MOV10L1: variants seen among roughly 807,000 people sequenced by gnomAD.
MOV10L1 encodes the protein Mov10 like RNA helicase 1, also known as RNA helicase Mov10l1.
MOV10L1 carries 110 observed loss-of-function variants against 143.8 expected under a neutral mutation model. The ratio of observed to expected loss-of-function variants is 0.76; its 90% CI spans 0.66 to 0.90. The LOEUF is 0.90. MOV10L1 is among the 40% of genes least tolerant of loss of function. The probability of loss-of-function intolerance (pLI) is 0.00; values close to 1 mark genes in which losing one functional copy is unlikely to be tolerated. For synonymous variants in MOV10L1, 593 were observed against 581.1 expected (o/e 1.02, Z -0.29); for missense variants, 1,406 against 1,526.8 (o/e 0.92, Z 1.32).
chr22:50,113,399 C>T (rs1043796717), intron 5 of MOV10L1, among the ~76,000 whole-genome samples: 1 of 152,204 alleles, frequency 6.6e-6, no homozygotes, highest in African/African-American at 2.4e-5. Flanking sequence ...ACGTTCAGGA[C>T]ACCGTTCTCA....
chr22:50,103,708 C>G lies in MOV10L1; in HGVS notation c.442+4106C>G, dbSNP rs183942657. Among the ~76,000 whole-genome samples the G allele has an allele frequency of 1.1e-3, 169 of 152,226 alleles. 2 individuals are homozygous for G. Among genetic ancestry groups the G allele is most frequent in the Admixed American group, 9.0e-3 (138 of 15,288 alleles). On this transcript the variant is annotated intron_variant, in intron 3 of 26. Coordinates refer to ENST00000262794, the MANE Select transcript of MOV10L1 (RefSeq NM_018995.3). ...TGGTGAGATCAAGGTTTCACAGGTT[C>G]TTATTGTAGTCCGTGTGGCCGCAGC... is the stretch of plus-strand genomic sequence containing the variant.
intron 6 of MOV10L1, 38 bp downstream of exon 6, chr22:50,113,826 T>C (rs1402679168): frequency 1.3e-6 from 2 of 1,527,662 alleles, no homozygotes; most frequent in Non-Finnish European, 1.8e-6. Flanking sequence ...TAAAGCTACA[T>C]TAATGGCTTT....
rs886937777 is a variant in MOV10L1 at position 50,134,726 on chromosome 22, A to G, written c.2070+96A>G. ...GTGGCTCAGCGGCGTGACTGTCTCT[A>G]CACAGGGGATGGCTCAGCGATGTAA... On this transcript the variant is annotated intron_variant, in intron 15 of 26. Coordinates refer to ENST00000262794, the MANE Select transcript of MOV10L1 (RefSeq NM_018995.3). 5 of 1,046,556 alleles carry G rather than the reference A, an allele frequency of 4.8e-6. No individual in the cohort carries two copies. In the African/African-American group the frequency reaches 7.8e-5, roughly 16 times the overall value. The allele number at this position is 1,046,556 out of a possible 1,614,324, so 64.8% of individuals were successfully genotyped here.
At chr22:50,095,335 T>A (rs1457666971) in intron 2 of MOV10L1, 1 of 152,246 alleles carries the variant, frequency 6.6e-6, no homozygotes, top group Admixed American at 6.5e-5. Context: ...TTTATGGACT[T>A]CCATCATCAG....
rs915047666 is a variant in MOV10L1, at chr22:50,108,136, G to T, written c.443G>T (p.Gly148Val). The T allele has an allele frequency of 6.2e-7, 1 of 1,613,396 alleles. No individual in the cohort carries two copies. The highest frequency in any genetic ancestry group is 1.3e-5 in the African/African-American group (1 of 75,008). ...ATGGCTTTTTTCCTGGCGGTTTTAGGCTTCGAGCCCTGCAAGGGAGACTGG... is the reference window on the plus strand; with the variant it reads ...ATGGCTTTTTTCCTGGCGGTTTTAGTCTTCGAGCCCTGCAAGGGAGACTGG... ...TYFSLESVCE[G>V]FEPCKGDWVE... Residue 148 changes from glycine to valine, a missense_variant and splice_region_variant, in exon 4 of 27, where the codon GGC (glycine) becomes GTC (valine). Gly to Val is a moderately radical substitution (Grantham distance 109, BLOSUM62 -3). Around this residue, in one of 3 missense-constraint regions of MOV10L1, gnomAD observed 1,233 missense variants for 1,351.4 expected, o/e 0.91. Coordinates refer to ENST00000262794, the MANE Select transcript of MOV10L1 (RefSeq NM_018995.3).
chr22:50,097,128 T>C (rs1374726163), intron 2 of MOV10L1, among the ~76,000 whole-genome samples: 1 of 152,194 alleles, frequency 6.6e-6, no homozygotes, highest in Non-Finnish European at 1.5e-5. Flanking sequence ...AAAAAAATTT[T>C]TTGAGACAGG....
At chr22:50,143,994 A>G in intron 17 of MOV10L1, 103 bp from the exon 18 acceptor site, 1 of 1,443,708 alleles carries the variant, frequency 6.9e-7, no homozygotes, top group African/African-American at 1.4e-5. Context: ...GAGCCCATGC[A>G]GCTGAGTCCC....
intron 5 of MOV10L1, among the ~76,000 whole-genome samples, chr22:50,111,486 CTTTTTTTTT>C (rs529438045): frequency 3.4e-5 from 2 of 59,148 alleles, no homozygotes; most frequent in Admixed American, 2.0e-4. Context: ...TCTGTCTTTG[CTTTTTTTTT>C]TTTTTTTTTT....
In MOV10L1 at chr22:50,128,348, G is replaced by C. The variant is rs2062571650; in HGVS notation, c.1819-68G>C. 2.2e-5 allele frequency: 20 copies of C among 889,268 alleles called. No individual in the cohort carries two copies. The South Asian group carries it at 2.9e-4, about 13-fold the overall frequency. 55.1% of individuals were successfully genotyped at this position (889,268 alleles called of 1,614,324 possible). On this transcript the variant is annotated intron_variant, in intron 12 of 26. Transcript: ENST00000262794. ...CAGAGCTATAGAATGAATTTTTGATGATGTGTCGCTAGATAAAGATATCAC... is the reference window on the plus strand; with the variant it reads ...CAGAGCTATAGAATGAATTTTTGATCATGTGTCGCTAGATAAAGATATCAC...
rs1026603538 is a variant in MOV10L1, at chr22:50,117,340, C to T, written c.1443C>T (p.Thr481=). ...CCGCAAAAACTACAGTTGTTGTGAC[C>T]GCACAGAAAAGGTACCATAACTGAA... ...LTSAKTTVVV[T]AQKRNSRRQL... is the part of the protein sequence containing the mutation. The change falls in exon 9 of 27, where the codon ACC becomes ACT. Residue 481 remains threonine (T), a synonymous_variant. Transcript: ENST00000262794. 9.3e-6 allele frequency: 15 copies of T among 1,613,378 alleles called. No individual in the cohort carries two copies. The Admixed American group carries it at 1.2e-4, about 13-fold the overall frequency.
intron 22 of MOV10L1, among the ~76,000 whole-genome samples, 196 bp downstream of exon 22, chr22:50,153,414 C>G (rs946100175): frequency 6.6e-6 from 1 of 152,246 alleles, no homozygotes; most frequent in Non-Finnish European, 1.5e-5. Flanking sequence ...TGAGTTGTGC[C>G]TGGCACCAAG....
At chr22:50,116,504 A>T (rs1343461994) in intron 8 of MOV10L1, among the ~76,000 whole-genome samples, 1 of 151,652 alleles carries the variant, frequency 6.6e-6, no homozygotes, top group Non-Finnish European at 1.5e-5. Context: ...ATGTAGCCCC[A>T]GTTAGAGCCA....
chr22:50,134,914 A>G (rs1291789860), intron 15 of MOV10L1, among the ~76,000 whole-genome samples: 1 of 152,254 alleles, frequency 6.6e-6, no homozygotes, highest in Non-Finnish European at 1.5e-5. Context: ...TGCAAGGGCT[A>G]AGATGCAGGG....
chr22:50,142,129 C>G lies in MOV10L1; in HGVS notation c.2119C>G (p.Arg707Gly). ...DQAEHGTEER[R>G]VGDKDLPVLA... is the part of the protein sequence containing the mutation. The stretch of plus-strand genomic sequence containing the variant: ...AGCTGAGCATGGAACAGAGGAGAGG[C>G]GTGTTGGTGACAAGGACCTGCCGGT... Residue 707 changes from arginine to glycine, a missense_variant, in exon 16 of 27, where the codon CGT becomes GGT. Around this residue, in one of 3 missense-constraint regions of MOV10L1, gnomAD observed 1,233 missense variants for 1,351.4 expected, o/e 0.91. Transcript: ENST00000262794. The G allele has an allele frequency of 1.9e-6, 3 of 1,613,348 alleles. No individual in the cohort carries two copies. The highest frequency in any genetic ancestry group is 2.5e-6 in the Non-Finnish European group (3 of 1,179,688).
intron 3 of MOV10L1, among the ~76,000 whole-genome samples, chr22:50,101,213 G>GTGTGTT (rs1030518889): frequency 1.1e-4 from 16 of 152,132 alleles, no homozygotes; most frequent in African/African-American, 3.9e-4. Flanking sequence ...TTATGTGTAT[G>GTGTGTT]TGTGTTTTTG....
rs530714103 is a variant in MOV10L1 at position 50,126,164 on chromosome 22, G to A, written c.1748-38G>A. ...GGACAGCACAGAAATTTGTGATTTT[G>A]TGTTAGCTTTAAACATGGTAATATA... On this transcript the variant is annotated intron_variant, in intron 11 of 26. Transcript: ENST00000262794. The A allele has an allele frequency of 2.8e-6, 4 of 1,435,878 alleles. No homozygotes were observed. The South Asian group carries it at 4.6e-5, about 17-fold the overall frequency. 88.9% of individuals were successfully genotyped at this position (1,435,878 alleles called of 1,614,324 possible).
At chr22:50,111,230 A>G (rs1024700333) in intron 5 of MOV10L1, among the ~76,000 whole-genome samples, 1 of 152,188 alleles carries the variant, frequency 6.6e-6, no homozygotes, top group Non-Finnish European at 1.5e-5. Flanking sequence ...TTTAAAAGAG[A>G]AAAGTGGGCT....
chr22:50,135,519 G>A (rs909235605), intron 15 of MOV10L1, among the ~76,000 whole-genome samples: 10 of 151,878 alleles, frequency 6.6e-5, no homozygotes, highest in East Asian at 2.0e-4. Context: ...TTGGGAGGCC[G>A]AGGCGGGCAG....
chr22:50,134,661 CAG>C (rs767068206), intron 15 of MOV10L1, 31 bp downstream of exon 15: 14 of 1,590,344 alleles, frequency 8.8e-6, no homozygotes, highest in East Asian at 2.2e-5. Flanking sequence ...TTTCTCTACA[CAG>C]GGGATGGCTC....
Sources: gnomAD v4.1 joint callset for allele counts (sites outside exome capture counted in the v4.1 genomes callset) on GRCh38, gnomAD v4.1.1 for gene constraint, gnomAD v4.1.1 regional missense constraint, MANE v1.5 for transcripts, NCBI Gene and HGNC (gene_info 2026-07-23, HGNC 2026-07-21) for gene names.